DNA2: variants seen among roughly 807,000 people sequenced by gnomAD.
DNA2 encodes DNA replication ATP-dependent helicase/nuclease DNA2.
A neutral mutation model predicts 119.1 loss-of-function variants in DNA2; 101 were observed. That is an observed-to-expected ratio of 0.85 (90% CI 0.72 to 1.00). The LOEUF is 1.00. Ranked by LOEUF, DNA2 falls within the 50% of genes least tolerant of loss-of-function variation. DNA2 has a pLI of 0.00. For missense variants in DNA2, 1,121 were observed against 1,255.5 expected (o/e 0.89, Z 1.62); for synonymous variants, 366 against 424.4 (o/e 0.86, Z 1.69).
chr10:68,461,244 A>G (rs2052253936), intron 4 of DNA2, among the ~76,000 whole-genome samples: 2 of 152,236 alleles, frequency 1.3e-5, no homozygotes, highest in Admixed American at 1.3e-4. Context: ...TCGTAACAAT[A>G]TGAATACATT....
At chr10:68,416,986 GTA>G in intron 19 of DNA2, 131 bp from the exon 20 acceptor site, 1 of 740,930 alleles carries the variant, frequency 1.3e-6, no homozygotes, top group Non-Finnish European at 2.1e-6. Flanking sequence ...GCTCATGCCT[GTA>G]ATCCCAGTAC....
intron 2 of DNA2, among the ~76,000 whole-genome samples, 152 bp downstream of exon 2, chr10:68,469,829 A>G (rs1377845636): frequency 1.3e-5 from 2 of 152,168 alleles, no homozygotes; most frequent in Non-Finnish European, 2.9e-5. Context: ...TACAGGAGTA[A>G]TAGATACAAT....
chr10:68,448,964 T>C (rs60695833), intron 6 of DNA2, among the ~76,000 whole-genome samples: 2,647 of 59,790 alleles, frequency 0.044, 39 homozygotes, highest in East Asian at 0.16. Context: ...TGTGTGTGTG[T>C]GTGCGTGTGT....
chr10:68,469,768 G>A (rs533203372), intron 2 of DNA2, among the ~76,000 whole-genome samples: 4 of 152,146 alleles, frequency 2.6e-5, no homozygotes, highest in South Asian at 2.1e-4. Context: ...CCTGGCCCAC[G>A]TGATTTTCAA....
chr10:68,424,708 G>A lies in DNA2; in HGVS notation c.2209-1818C>T, dbSNP rs565932803. 74 of 1,603,852 alleles carry A rather than the reference G, an allele frequency of 4.6e-5. No individual in the cohort carries two copies. The East Asian group carries it at 1.5e-3, about 32-fold the overall frequency. ...TACAATGTCCGCTCCACACCCATCC[G>A]CAAGGACGACGAGGTCCAGGTAGTT... On this transcript the variant is annotated intron_variant, in intron 14 of 20. Coordinates refer to ENST00000358410, the MANE Select transcript of DNA2 (RefSeq NM_001080449.3).
Position 68,443,063 on chromosome 10 carries a change from C to T in DNA2, c.1269G>A (p.Leu423=). 1.3e-6 allele frequency: 2 copies of T among 1,588,414 alleles called. No homozygotes were observed. The highest frequency in any genetic ancestry group is 1.7e-6 in the Non-Finnish European group (2 of 1,166,044). ...MDCSSVPIVM[L]PKIEEETQHL... Reference sequence around the variant, plus strand: ...GCTGGGTTTCTTCTTCTATTTTGGGCAGCATCACAATTGGGACTGAACTAC... The same window carrying T: ...GCTGGGTTTCTTCTTCTATTTTGGGTAGCATCACAATTGGGACTGAACTAC... The change falls in exon 9 of 21, where the codon CTG becomes CTA. Residue 423 remains leucine, a synonymous_variant. Coordinates refer to ENST00000358410, the MANE Select transcript of DNA2 (RefSeq NM_001080449.3).
chr10:68,419,250 C>A, intron 18 of DNA2, 37 bp from the exon 19 acceptor site: 1 of 1,423,072 alleles, frequency 7.0e-7, no homozygotes, highest in Non-Finnish European at 9.2e-7. Flanking sequence ...AGAAAGAAAT[C>A]CTGATTAAGT....
chr10:68,422,211 A>T lies in DNA2; in HGVS notation c.2697+14T>A, dbSNP rs746777672. The stretch of plus-strand genomic sequence containing the variant: ...ACAAAATGAGAAAAACTAAACAGAA[A>T]TTTTTTTTTTTACCTTGTCTGTATT... On this transcript the variant is annotated intron_variant, in intron 17 of 20. Coordinates refer to ENST00000358410, the MANE Select transcript of DNA2 (RefSeq NM_001080449.3). The T allele has an allele frequency of 7.1e-5, 89 of 1,248,680 alleles. No individual in the cohort carries two copies. Among genetic ancestry groups the T allele is most frequent in the Middle Eastern group, 2.0e-4 (1 of 4,936 alleles). The allele number at this position is 1,248,680 out of a possible 1,614,324, so 77.4% of individuals were successfully genotyped here. A position where few individuals can be genotyped will look rare whatever the true frequency, so the allele number is the denominator to read the frequency against.
In DNA2 at chr10:68,414,978, T is replaced by C; in HGVS notation, c.*61A>G. The C allele has an allele frequency of 1.9e-6, 2 of 1,040,956 alleles. No homozygotes were observed. The highest frequency in any genetic ancestry group is 2.8e-6 in the Non-Finnish European group (2 of 709,728). 64.5% of individuals were successfully genotyped at this position (1,040,956 alleles called of 1,614,324 possible). ...AATTTTGTATGGTGATAGAATTTTC[T>C]GTATGGGCACTAGCTAGAGGAGATA... On this transcript the variant is annotated 3_prime_UTR_variant, in exon 21 of 21. Coordinates refer to ENST00000358410, the MANE Select transcript of DNA2 (RefSeq NM_001080449.3).
chr10:68,439,165 T>C (rs2133390466), intron 9 of DNA2, among the ~76,000 whole-genome samples: 1 of 148,142 alleles, frequency 6.8e-6, no homozygotes. Context: ...GAGGCTGAGG[T>C]GGGCGGATCA....
intron 9 of DNA2, among the ~76,000 whole-genome samples, chr10:68,439,738 T>A (rs1484326650): frequency 6.6e-6 from 1 of 151,656 alleles, no homozygotes; most frequent in Admixed American, 6.6e-5. Flanking sequence ...CTCGGGAGGC[T>A]GAGGCAAGAG....
chr10:68,442,375 C>A (rs370070923), intron 9 of DNA2, among the ~76,000 whole-genome samples: 51 of 151,848 alleles, frequency 3.4e-4, no homozygotes, highest in South Asian at 6.2e-4. Context: ...CCTGCCACCA[C>A]GCCCGGCTAA....
chr10:68,465,253 C>CA (rs58205083), intron 4 of DNA2, among the ~76,000 whole-genome samples: 5 of 151,918 alleles, frequency 3.3e-5, no homozygotes, highest in African/African-American at 9.7e-5. Flanking sequence ...TTCCTGACTT[C>CA]TGATCCGCCC....
At chr10:68,430,709 C>T in intron 13 of DNA2, 49 bp from the exon 14 acceptor site, 1 of 1,324,612 alleles carries the variant, frequency 7.5e-7, no homozygotes, top group Non-Finnish European at 1.0e-6. Flanking sequence ...CTTTTAATTC[C>T]AGATAATTTT....
chr10:68,426,878 T>G (rs1487679924), intron 14 of DNA2, among the ~76,000 whole-genome samples: 2 of 152,070 alleles, frequency 1.3e-5, no homozygotes, highest in African/African-American at 4.8e-5. Context: ...CTATCTTTTG[T>G]TCTGCATAAG....
At chr10:68,426,915 C>T (rs917305818) in intron 14 of DNA2, among the ~76,000 whole-genome samples, 8 of 152,012 alleles carry the variant, frequency 5.3e-5, no homozygotes, top group Non-Finnish European at 4.4e-5. Flanking sequence ...AAAAAGCAAG[C>T]GATAGAGTGG....
intron 14 of DNA2, among the ~76,000 whole-genome samples, chr10:68,429,973 C>G (rs1441262511): frequency 6.7e-6 from 1 of 149,852 alleles, no homozygotes; most frequent in East Asian, 2.0e-4. Flanking sequence ...ACCTCCGCCT[C>G]CCAGGTTCAA....
chr10:68,445,524 A>G lies in DNA2; in HGVS notation c.1058-441T>C, dbSNP rs900367208. ...AAAAACATTTTAAAACGGAGAAAAC[A>G]GTATTCATATTTCCCACTATACTAG... On this transcript the variant is annotated intron_variant, in intron 7 of 20. Coordinates refer to ENST00000358410, the MANE Select transcript of DNA2 (RefSeq NM_001080449.3). Among the ~76,000 whole-genome samples, 8 of 152,214 alleles carry G rather than the reference A, an allele frequency of 5.3e-5. No homozygotes were observed. The East Asian group carries it at 1.3e-3, about 26-fold the overall frequency.
intron 9 of DNA2, 101 bp from the exon 10 acceptor site, chr10:68,437,342 AATT>A (rs2051903014): frequency 9.6e-7 from 1 of 1,041,622 alleles, no homozygotes; most frequent in South Asian, 1.7e-5. Flanking sequence ...GACTCCTAAA[AATT>A]ATTATTGAGG....
Sources: gnomAD v4.1 joint callset for allele counts (sites outside exome capture counted in the v4.1 genomes callset) on GRCh38, gnomAD v4.1.1 for gene constraint, MANE v1.5 for transcripts, NCBI Gene and HGNC (gene_info 2026-07-23, HGNC 2026-07-21) for gene names.